UBAC2: variants seen among roughly 807,000 people sequenced by gnomAD.
UBAC2 encodes the protein UBA domain containing 2, also known as ubiquitin-associated domain-containing protein 2.
A neutral mutation model predicts 44.0 loss-of-function variants in UBAC2; 26 were observed. The ratio of observed to expected loss-of-function variants is 0.59; its 90% CI spans 0.43 to 0.82. The LOEUF is 0.82. Ranked by LOEUF, UBAC2 falls within the 40% of genes least tolerant of loss-of-function variation. UBAC2 has a pLI of 0.00. For synonymous variants in UBAC2, 155 were observed against 154.3 expected, an observed-to-expected ratio of 1.00 and a Z score of -0.04; for missense variants, 329 against 419.4, an observed-to-expected ratio of 0.78 and a Z score of 1.88.
chr13:99,300,133 G>A (rs2044237030), intron 4 of UBAC2, among the ~76,000 whole-genome samples: 1 of 152,224 alleles, frequency 6.6e-6, no homozygotes, highest in Admixed American at 6.5e-5. Flanking sequence ...GGCAGGGGGT[G>A]CCCACTTCCA....
Position 99,356,381 on chromosome 13 carries a change from C to T in UBAC2, c.808-11406C>T, listed in dbSNP as rs188625991. On this transcript the variant is annotated intron_variant, in intron 7 of 8. Coordinates refer to ENST00000403766, the MANE Select transcript of UBAC2 (RefSeq NM_001144072.2). ...GAAGAAGAGACGGGGCAGAGGGCAGCCGATAGTTGGAAACTTCTGTCCCCT... is the reference window on the plus strand; with the variant it reads ...GAAGAAGAGACGGGGCAGAGGGCAGTCGATAGTTGGAAACTTCTGTCCCCT... Among the ~76,000 whole-genome samples the T allele has an allele frequency of 5.3e-5, 8 of 152,326 alleles. No individual in the cohort carries two copies. In the East Asian group the frequency reaches 1.5e-3, roughly 29 times the overall value.
intron 4 of UBAC2, among the ~76,000 whole-genome samples, chr13:99,266,644 T>C (rs1351261258): frequency 1.3e-5 from 2 of 152,214 alleles, no homozygotes; most frequent in Non-Finnish European, 2.9e-5. Flanking sequence ...TACTAAGATA[T>C]TAAACATAAA....
At chr13:99,226,608 T>G (rs2043112616) in intron 1 of UBAC2, among the ~76,000 whole-genome samples, 1 of 152,188 alleles carries the variant, frequency 6.6e-6, no homozygotes, top group Non-Finnish European at 1.5e-5. Context: ...CCCTGTCACA[T>G]CCAGAGGAAA....
intron 4 of UBAC2, among the ~76,000 whole-genome samples, chr13:99,266,828 T>TA (rs1458633173): frequency 6.6e-6 from 1 of 152,228 alleles, no homozygotes; most frequent in East Asian, 1.9e-4. Flanking sequence ...GTACCCATCA[T>TA]ACAGCAAATA....
At chr13:99,201,388 A>C in intron 1 of UBAC2, 1 of 1,601,696 alleles carries the variant, frequency 6.2e-7, no homozygotes, top group Non-Finnish European at 8.5e-7. Context: ...CCGCTTTAGA[A>C]GCTGACCTCT....
At chr13:99,243,012 T>C (rs1173188886) in intron 2 of UBAC2, among the ~76,000 whole-genome samples, 1 of 151,948 alleles carries the variant, frequency 6.6e-6, no homozygotes, top group African/African-American at 2.4e-5. Context: ...GCAGAGACGC[T>C]CCTCACTTTC....
At chr13:99,265,133 G>T (rs916150149) in intron 4 of UBAC2, among the ~76,000 whole-genome samples, 9 of 152,112 alleles carry the variant, frequency 5.9e-5, no homozygotes, top group African/African-American at 2.2e-4. Flanking sequence ...CTCAGACAAG[G>T]TATTTACCAG....
At chr13:99,380,778 C>T (rs760071206) in intron 8 of UBAC2, among the ~76,000 whole-genome samples, 2 of 152,258 alleles carry the variant, frequency 1.3e-5, no homozygotes, top group Non-Finnish European at 2.9e-5. Flanking sequence ...TTTTAAAGAA[C>T]TGTGCTAACA....
chr13:99,239,989 G>A (rs949897319), intron 2 of UBAC2, among the ~76,000 whole-genome samples: 3 of 152,164 alleles, frequency 2.0e-5, no homozygotes, highest in Non-Finnish European at 2.9e-5. Context: ...TAGCAATGAA[G>A]AGAGGGAAGG....
intron 6 of UBAC2, among the ~76,000 whole-genome samples, chr13:99,323,222 G>T (rs1272983216): frequency 6.6e-6 from 1 of 152,052 alleles, no homozygotes; most frequent in Non-Finnish European, 1.5e-5. Context: ...CTCCTCTGAT[G>T]CACAAGCCTC....
intron 7 of UBAC2, among the ~76,000 whole-genome samples, chr13:99,353,253 A>G (rs1456603545): frequency 1.3e-5 from 2 of 152,220 alleles, no homozygotes; most frequent in African/African-American, 2.4e-5. Context: ...CAAGAACTCT[A>G]TTTTCAGTGA....
At chr13:99,216,834 C>CTTTTTTTTTTTTTTTTT (rs11338165) in intron 1 of UBAC2, among the ~76,000 whole-genome samples, 10 of 140,620 alleles carry the variant, frequency 7.1e-5, no homozygotes, top group African/African-American at 1.1e-4. Flanking sequence ...TTTCTTTTTT[C>CTTTTTTTTTTTTTTTTT]TTTTTTTTTT....
intron 4 of UBAC2, among the ~76,000 whole-genome samples, chr13:99,275,093 A>G (rs564647435): frequency 6.6e-6 from 1 of 152,328 alleles, no homozygotes; most frequent in East Asian, 1.9e-4. Flanking sequence ...AGTGGAAAGC[A>G]GAATCATAGT....
chr13:99,356,748 C>T lies in UBAC2; in HGVS notation c.808-11039C>T, dbSNP rs183917915. On this transcript the variant is annotated intron_variant, in intron 7 of 8. Transcript: ENST00000403766. ...GCACTTCACATGACAGGGTTAGATT[C>T]AGTCTTCTGAGTTTTCTAAGGTTCC... Among the ~76,000 whole-genome samples, 59 of 152,304 alleles carry T rather than the reference C, an allele frequency of 3.9e-4. 1 individual carries two copies. In the East Asian group the frequency reaches 9.6e-3, roughly 25 times the overall value.
intron 1 of UBAC2, chr13:99,201,347 TC>T (rs1001821219): frequency 2.9e-4 from 451 of 1,545,494 alleles, no homozygotes; most frequent in Non-Finnish European, 3.6e-4. Context: ...CCGAACTAAC[TC>T]CCCCCGCCCC....
chr13:99,317,014 A>T (rs1480060317), intron 5 of UBAC2, among the ~76,000 whole-genome samples: 1 of 152,200 alleles, frequency 6.6e-6, no homozygotes, highest in Non-Finnish European at 1.5e-5. Flanking sequence ...CACTGAACAA[A>T]CGTCCGTGCT....
At chr13:99,353,112 G>A (rs1566517937) in intron 7 of UBAC2, among the ~76,000 whole-genome samples, 1 of 152,230 alleles carries the variant, frequency 6.6e-6, no homozygotes, top group African/African-American at 2.4e-5. Flanking sequence ...CAACAAAGCA[G>A]TCTAATCAGT....
Position 99,290,741 on chromosome 13 carries a change from AAAAG to A in UBAC2, c.390-23340_390-23337del, listed in dbSNP as rs1278388442. Among the ~76,000 whole-genome samples the A allele has an allele frequency of 4.4e-3, 673 of 151,644 alleles. 4 individuals are homozygous for A. Among genetic ancestry groups the A allele is most frequent in the Admixed American group, 7.9e-3 (120 of 15,226 alleles). On this transcript the variant is annotated intron_variant, in intron 4 of 8. Coordinates refer to ENST00000403766, the MANE Select transcript of UBAC2 (RefSeq NM_001144072.2). ...CCGTTTCACCACCAAAAAAAAAAAA[AAAAG>A]AAAGAAAGAAAGAAAAAGAAAAGAT...
intron 8 of UBAC2, among the ~76,000 whole-genome samples, chr13:99,380,595 G>A (rs2045538369): frequency 1.3e-5 from 2 of 152,170 alleles, no homozygotes; most frequent in African/African-American, 4.8e-5. Flanking sequence ...CCACTGGGGA[G>A]TATTGGGTAA....
Sources: gnomAD v4.1 joint callset for allele counts (sites outside exome capture counted in the v4.1 genomes callset) on GRCh38, gnomAD v4.1.1 for gene constraint, MANE v1.5 for transcripts, NCBI Gene and HGNC (gene_info 2026-07-23, HGNC 2026-07-21) for gene names.